The following JMJD1C variants were observed in gnomAD, a reference collection of about 807,000 sequenced individuals.
JMJD1C encodes jumonji domain-containing protein 1C.
A neutral mutation model predicts 245.3 loss-of-function variants in JMJD1C; 31 were observed. The ratio of observed to expected loss-of-function variants is 0.13; its 90% CI spans 0.09 to 0.17. The LOEUF is 0.17. Ranked by LOEUF, JMJD1C falls within the 10% of genes least tolerant of loss-of-function variation. JMJD1C has a pLI of 1.00. For synonymous variants in JMJD1C, 1,057 were observed against 1,017.4 expected (o/e 1.04, Z -0.74); for missense variants, 2,691 against 3,000.2 (o/e 0.90, Z 2.41).
At chr10:63,281,714 C>T (rs961704203) in intron 2 of JMJD1C, among the ~76,000 whole-genome samples, 16 of 151,912 alleles carry the variant, frequency 1.1e-4, no homozygotes, top group Non-Finnish European at 1.5e-5. Flanking sequence ...TCGTGATCTA[C>T]CACCTCGGCC....
chr10:63,202,946 T>C (rs1354504182), intron 10 of JMJD1C: 1 of 983,422 alleles, frequency 1.0e-6, no homozygotes, highest in Non-Finnish European at 1.2e-6. Flanking sequence ...TTATATGCCT[T>C]TAATTCCAGA....
intron 2 of JMJD1C, among the ~76,000 whole-genome samples, chr10:63,337,330 T>C (rs1219316808): frequency 6.7e-6 from 1 of 150,050 alleles, no homozygotes; most frequent in Non-Finnish European, 1.5e-5. Context: ...TAGTACCAGC[T>C]ACTCGGGAGG....
intron 1 of JMJD1C, chr10:63,427,706 T>C (rs75434929): frequency 0.012 from 15,753 of 1,322,462 alleles, 135 homozygotes; most frequent in East Asian, 0.022. Context: ...TCTAGCTTAT[T>C]TGGTGTCTCC....
chr10:63,275,533 T>C (rs932436326), intron 2 of JMJD1C, among the ~76,000 whole-genome samples: 4 of 152,030 alleles, frequency 2.6e-5, no homozygotes, highest in African/African-American at 9.7e-5. Flanking sequence ...AAAAGACCAT[T>C]GGGAAAGATG....
chr10:63,452,020 C>T (rs35322962), intron 1 of JMJD1C, among the ~76,000 whole-genome samples: 30,660 of 152,092 alleles, frequency 0.2, 4,050 homozygotes, highest in Non-Finnish European at 0.29. Flanking sequence ...GCTTCAATAA[C>T]ATTAGATTTG....
At chr10:63,464,701 A>G (rs1443028259) in intron 1 of JMJD1C, among the ~76,000 whole-genome samples, 1 of 150,272 alleles carries the variant, frequency 6.7e-6, no homozygotes, top group Non-Finnish European at 1.5e-5. Flanking sequence ...AAGAAACCAA[A>G]AAAAAAAAAA....
At chr10:63,504,736 G>C (rs970463225) in intron 1 of JMJD1C, among the ~76,000 whole-genome samples, 1 of 152,104 alleles carries the variant, frequency 6.6e-6, no homozygotes, top group Non-Finnish European at 1.5e-5. Context: ...GATTGAAACA[G>C]GTCAATAATA....
chr10:63,426,502 C>G (rs1782514773), intron 1 of JMJD1C, among the ~76,000 whole-genome samples: 1 of 152,186 alleles, frequency 6.6e-6, no homozygotes, highest in Non-Finnish European at 1.5e-5. Context: ...GAAACCCCGT[C>G]TCTACTGAAA....
intron 24 of JMJD1C, among the ~76,000 whole-genome samples, chr10:63,171,969 T>C (rs1842411917): frequency 6.6e-6 from 1 of 152,212 alleles, no homozygotes; most frequent in Non-Finnish European, 1.5e-5. Context: ...TTGCCACCAA[T>C]TGTGAATTAC....
chr10:63,271,493 T>C (rs1217419913), intron 2 of JMJD1C, among the ~76,000 whole-genome samples: 1 of 152,126 alleles, frequency 6.6e-6, no homozygotes, highest in Non-Finnish European at 1.5e-5. Flanking sequence ...TAGTCTTTTA[T>C]TATAAATGTA....
At chr10:63,359,407 C>T (rs1325378629) in intron 2 of JMJD1C, among the ~76,000 whole-genome samples, 1 of 152,160 alleles carries the variant, frequency 6.6e-6, no homozygotes, top group Non-Finnish European at 1.5e-5. Context: ...ACAGCAGTTT[C>T]TTCAAAAGTT....
At chr10:63,361,719 TAAAAAAA>T (rs55879769) in intron 2 of JMJD1C, among the ~76,000 whole-genome samples, 10 of 95,548 alleles carry the variant, frequency 1.0e-4, no homozygotes, top group African/African-American at 2.7e-4. Context: ...CTGTCTCAAC[TAAAAAAA>T]AAAAAAAAAA....
intron 1 of JMJD1C, 38 bp from the exon 2 acceptor site, chr10:63,380,520 AG>A (rs762199123): frequency 3.3e-6 from 5 of 1,533,000 alleles, no homozygotes; most frequent in Admixed American, 3.7e-5. Flanking sequence ...TTAGCAAAAT[AG>A]AAGAGTGGTA....
chr10:63,432,682 T>C (rs950472445), intron 1 of JMJD1C, among the ~76,000 whole-genome samples: 10 of 152,206 alleles, frequency 6.6e-5, no homozygotes, highest in African/African-American at 2.2e-4. Flanking sequence ...TTAACCACTG[T>C]TAATTGGCAT....
intron 16 of JMJD1C, among the ~76,000 whole-genome samples, chr10:63,192,223 T>A (rs1426525091): frequency 7.7e-6 from 1 of 130,384 alleles, no homozygotes; most frequent in Non-Finnish European, 1.6e-5. Flanking sequence ...AAGAACAATC[T>A]GGGCAACATG....
intron 1 of JMJD1C, among the ~76,000 whole-genome samples, chr10:63,474,748 C>A (rs1245616461): frequency 6.6e-6 from 1 of 151,816 alleles, no homozygotes; most frequent in Non-Finnish European, 1.5e-5. Flanking sequence ...CCGTGCTCAG[C>A]CCAAAACAAT....
At chr10:63,247,717 GC>G (rs1410749870) in intron 3 of JMJD1C, among the ~76,000 whole-genome samples, 4 of 19,746 alleles carry the variant, frequency 2.0e-4, no homozygotes, top group African/African-American at 8.4e-4. Flanking sequence ...GGGTGACAGA[GC>G]CAAAAAAAAA....
At chr10:63,273,853 T>TACCC (rs1277360788) in intron 2 of JMJD1C, among the ~76,000 whole-genome samples, 1 of 152,188 alleles carries the variant, frequency 6.6e-6, no homozygotes, top group Non-Finnish European at 1.5e-5. Context: ...ACTGCCTGCC[T>TACCC]ACCCAAAGAA....
chr10:63,307,662 G>C (rs1938464046), intron 2 of JMJD1C, among the ~76,000 whole-genome samples: 1 of 151,920 alleles, frequency 6.6e-6, no homozygotes, highest in Non-Finnish European at 1.5e-5. Context: ...GAAGTAGAGG[G>C]CTAAAAAGCA....
Sources: gnomAD v4.1 joint callset for allele counts (sites outside exome capture counted in the v4.1 genomes callset) on GRCh38, gnomAD v4.1.1 for gene constraint, MANE v1.5 for transcripts, NCBI Gene and HGNC (gene_info 2026-07-23, HGNC 2026-07-21) for gene names.